The following KIAA0825 variants were observed in gnomAD, a reference collection of about 807,000 sequenced individuals.
KIAA0825 encodes uncharacterized protein KIAA0825.
Under a neutral mutation model 147.6 loss-of-function variants are expected in KIAA0825, and 119 were observed. The observed-to-expected ratio is 0.81, with a 90% CI of 0.69 to 0.94. The LOEUF is 0.94. Among genes scored for constraint, KIAA0825 ranks in the 40% least tolerant of loss-of-function variants. KIAA0825 has a pLI of 0.00. For missense variants in KIAA0825, 1,381 were observed against 1,472.7 expected (o/e 0.94, Z 1.02); for synonymous variants, 470 against 518.1 (o/e 0.91, Z 1.26).
intron 2 of KIAA0825, among the ~76,000 whole-genome samples, chr5:94,538,593 C>T (rs1045862208): frequency 6.6e-6 from 1 of 152,200 alleles, no homozygotes; most frequent in Non-Finnish European, 1.5e-5. Context: ...CACTACCATT[C>T]ATTTGGTTAA....
intron 15 of KIAA0825, chr5:94,414,249 T>C (rs567120872): frequency 1.3e-5 from 2 of 152,330 alleles, no homozygotes; most frequent in East Asian, 1.9e-4. Context: ...TTTTTGAGTA[T>C]ATTACTATCA....
intron 20 of KIAA0825, among the ~76,000 whole-genome samples, chr5:94,364,908 G>A (rs1745615714): frequency 6.6e-6 from 1 of 151,998 alleles, no homozygotes; most frequent in South Asian, 2.1e-4. Flanking sequence ...GTGGGTGCCG[G>A]GAGTTGTGCC....
chr5:94,171,229 G>A (rs1423594750), intron 20 of KIAA0825, among the ~76,000 whole-genome samples: 1 of 152,128 alleles, frequency 6.6e-6, no homozygotes, highest in Non-Finnish European at 1.5e-5. Flanking sequence ...CTCACACAAG[G>A]TCAGATGGTT....
chr5:94,482,279 A>G (rs886978518), intron 6 of KIAA0825, among the ~76,000 whole-genome samples: 1 of 152,068 alleles, frequency 6.6e-6, no homozygotes, highest in African/African-American at 2.4e-5. Context: ...TTGGTTAATC[A>G]TTTTTATATT....
chr5:94,515,874 C>T (rs1305979869), intron 5 of KIAA0825, among the ~76,000 whole-genome samples: 4 of 151,528 alleles, frequency 2.6e-5, no homozygotes, highest in Non-Finnish European at 5.9e-5. Context: ...TTGTAAATCA[C>T]TCTGAAAACT....
chr5:94,553,774 C>T (rs2152267898), intron 2 of KIAA0825, among the ~76,000 whole-genome samples: 1 of 146,322 alleles, frequency 6.8e-6, no homozygotes, highest in Non-Finnish European at 1.5e-5. Context: ...AAAAAAACAA[C>T]CAAAAAAAAA....
intron 15 of KIAA0825, among the ~76,000 whole-genome samples, chr5:94,404,903 T>A (rs1418254338): frequency 6.6e-6 from 1 of 152,042 alleles, no homozygotes; most frequent in Non-Finnish European, 1.5e-5. Context: ...GGGGAGAGGG[T>A]GACAAGGGCT....
At chr5:94,400,575 T>G (rs1751246166) in intron 16 of KIAA0825, among the ~76,000 whole-genome samples, 1 of 152,204 alleles carries the variant, frequency 6.6e-6, no homozygotes. Context: ...TCCAAAAGTT[T>G]TGCCATAAAG....
chr5:94,532,187 GC>G (rs1770927319), intron 3 of KIAA0825, among the ~76,000 whole-genome samples: 1 of 152,048 alleles, frequency 6.6e-6, no homozygotes, highest in African/African-American at 2.4e-5. Flanking sequence ...TCACATTGTT[GC>G]CCAGGCGGTA....
At chr5:94,344,829 G>T (rs1782812093) in intron 20 of KIAA0825, among the ~76,000 whole-genome samples, 1 of 152,168 alleles carries the variant, frequency 6.6e-6, no homozygotes, top group Non-Finnish European at 1.5e-5. Context: ...GATTAATATT[G>T]TATGATTCCA....
intron 20 of KIAA0825, among the ~76,000 whole-genome samples, chr5:94,327,500 T>C (rs1429860272): frequency 6.6e-6 from 1 of 152,124 alleles, no homozygotes; most frequent in Non-Finnish European, 1.5e-5. Context: ...CTTTGCTGAT[T>C]TTTTTGTTCA....
chr5:94,193,452 G>C (rs1770855129), intron 20 of KIAA0825, among the ~76,000 whole-genome samples: 1 of 152,184 alleles, frequency 6.6e-6, no homozygotes, highest in South Asian at 2.1e-4. Context: ...GAGGGGTGAA[G>C]TAATTCAGCC....
intron 13 of KIAA0825, among the ~76,000 whole-genome samples, chr5:94,441,771 G>T (rs1011735108): frequency 6.6e-6 from 1 of 152,128 alleles, no homozygotes; most frequent in Non-Finnish European, 1.5e-5. Context: ...CCAATCTATG[G>T]TATATTTGTT....
intron 20 of KIAA0825, among the ~76,000 whole-genome samples, chr5:94,347,830 T>C (rs1289845469): frequency 6.6e-6 from 1 of 152,164 alleles, no homozygotes; most frequent in East Asian, 1.9e-4. Flanking sequence ...AGGAGATTAG[T>C]TATTAAGCTA....
At chr5:94,588,237 T>C (rs1034629985) in intron 1 of KIAA0825, among the ~76,000 whole-genome samples, 1 of 152,010 alleles carries the variant, frequency 6.6e-6, no homozygotes, top group East Asian at 1.9e-4. Flanking sequence ...AAAGAAACTA[T>C]CATCAGAGTG....
intron 1 of KIAA0825, among the ~76,000 whole-genome samples, chr5:94,617,568 AACTG>A (rs1790885206): frequency 1.3e-5 from 2 of 152,150 alleles, no homozygotes; most frequent in Non-Finnish European, 1.5e-5. Context: ...CTCTTTCGGG[AACTG>A]ACTGTTTTGA....
In KIAA0825 at chr5:94,562,057, G is replaced by A. The variant is rs115964661; in HGVS notation, c.-2+20376C>T. Among the ~76,000 whole-genome samples the A allele has an allele frequency of 8.9e-3, 1,347 of 152,156 alleles. 15 individuals are homozygous for A. Among genetic ancestry groups the A allele is most frequent in the African/African-American group, 0.031 (1,270 of 41,536 alleles). ...GGAAGCTATCAATTAAAATTTAAAT[G>A]TGATACCTTAAAATGCTTTTTAGTT... On this transcript the variant is annotated intron_variant, in intron 2 of 20. Coordinates refer to ENST00000682413, the MANE Select transcript of KIAA0825 (RefSeq NM_001145678.3).
At chr5:94,288,471 C>T (rs889398255) in intron 20 of KIAA0825, among the ~76,000 whole-genome samples, 1 of 152,110 alleles carries the variant, frequency 6.6e-6, no homozygotes, top group Non-Finnish European at 1.5e-5. Flanking sequence ...ACAACATAGA[C>T]ACTGGAAGAA....
chr5:94,573,332 A>C lies in KIAA0825; in HGVS notation c.-2+9101T>G, dbSNP rs560163420. Reference sequence around the variant, plus strand: ...GTCATCCAGGCTTGAGTACAGTGGCACAATCTCGGCTCACTGCAACCTTCA... The same window carrying C: ...GTCATCCAGGCTTGAGTACAGTGGCCCAATCTCGGCTCACTGCAACCTTCA... On this transcript the variant is annotated intron_variant, in intron 2 of 20. Transcript: ENST00000682413. 4.2e-5 allele frequency among the ~76,000 whole-genome samples: 6 copies of C among 143,942 alleles called. No individual in the cohort carries two copies. The South Asian group carries it at 1.3e-3, about 32-fold the overall frequency. The allele number at this position is 143,942 out of a possible 152,430, so 94.4% of individuals were successfully genotyped here.
Sources: gnomAD v4.1 joint callset for allele counts (sites outside exome capture counted in the v4.1 genomes callset) on GRCh38, gnomAD v4.1.1 for gene constraint, MANE v1.5 for transcripts, NCBI Gene and HGNC (gene_info 2026-07-23, HGNC 2026-07-21) for gene names.